LPAR6: variants seen among roughly 807,000 people sequenced by gnomAD.
The protein encoded by LPAR6 is G-protein coupled purinergic receptor P2Y5.
LPAR6 carries 17 observed loss-of-function variants against 22.0 expected under a neutral mutation model. The observed-to-expected ratio is 0.77, with a 90% CI of 0.53 to 1.16. The LOEUF (loss-of-function observed/expected upper bound fraction) is 1.16, where lower values mean the gene tolerates loss of function less well. LPAR6 is among the 50% of genes most tolerant of loss of function. LPAR6 has a pLI of 0.00. For synonymous variants in LPAR6, 136 were observed against 139.8 expected, an observed-to-expected ratio of 0.97 and a Z score of 0.19; for missense variants, 384 against 406.9, an observed-to-expected ratio of 0.94 and a Z score of 0.48.
At chr13:48,423,159 G>A (rs753809575) in intron 1 of LPAR6, among the ~76,000 whole-genome samples, 7 of 152,122 alleles carry the variant, frequency 4.6e-5, no homozygotes, top group Non-Finnish European at 5.9e-5. Context: ...TAAAAAGAAT[G>A]AAATATAGTG....
At chr13:48,438,307 G>A (rs1949204083) in intron 1 of LPAR6, among the ~76,000 whole-genome samples, 1 of 152,078 alleles carries the variant, frequency 6.6e-6, no homozygotes, top group Admixed American at 6.6e-5. Context: ...TTATAGATTA[G>A]CTGCATGAAG....
intron 1 of LPAR6, chr13:48,391,335 A>G (rs1048789383): frequency 1.3e-5 from 2 of 152,236 alleles, no homozygotes; most frequent in Admixed American, 1.3e-4. Flanking sequence ...GTTTTAAACC[A>G]ATTATCTCTT....
intron 1 of LPAR6, among the ~76,000 whole-genome samples, chr13:48,433,595 C>A (rs1949152494): frequency 6.6e-6 from 1 of 151,812 alleles, no homozygotes; most frequent in Non-Finnish European, 1.5e-5. Flanking sequence ...TTTTTTATAA[C>A]TTACACCAAA....
At chr13:48,439,466 G>A (rs1318963356) in intron 1 of LPAR6, 1 of 152,148 alleles carries the variant, frequency 6.6e-6, no homozygotes, top group Non-Finnish European at 1.5e-5. Flanking sequence ...ATGATAGAAA[G>A]ATTACGGTTG....
intron 1 of LPAR6, among the ~76,000 whole-genome samples, chr13:48,440,504 C>T (rs1949226695): frequency 6.6e-6 from 1 of 152,106 alleles, no homozygotes; most frequent in South Asian, 2.1e-4. Context: ...GCCTGATGGG[C>T]ACATGATCCA....
rs571793074 is a variant in LPAR6, at chr13:48,393,246, A to G, written n.115-3434T>C. Among the ~76,000 whole-genome samples, 29 of 152,278 alleles carry G rather than the reference A, an allele frequency of 1.9e-4. 2 individuals carry two copies. The highest frequency in any genetic ancestry group is 7.0e-4 in the African/African-American group (29 of 41,560). On this transcript the variant is annotated intron_variant and non_coding_transcript_variant, in intron 1 of 1. Coordinates refer to the LPAR6 transcript ENST00000462781. Reference sequence around the variant, plus strand: ...AGCTTAACCCTCTGCAGACCTCTGGAGTTCTCTTTTTGTAGCTTTCTTCTC... The same window carrying G: ...AGCTTAACCCTCTGCAGACCTCTGGGGTTCTCTTTTTGTAGCTTTCTTCTC...
intron 1 of LPAR6, among the ~76,000 whole-genome samples, chr13:48,398,510 C>T (rs1948665698): frequency 6.6e-6 from 1 of 151,712 alleles, no homozygotes. Context: ...TTGATAGAGT[C>T]CTGTAATTTT....
At chr13:48,417,426 AC>A (rs1227930256), upstream of LPAR6, 5 of 152,266 alleles carry the variant, frequency 3.3e-5, no homozygotes, top group African/African-American at 1.2e-4. Flanking sequence ...TTTGAAGGTC[AC>A]CAACATCGAA....
At chr13:48,433,264 C>T (rs1949148478) in intron 1 of LPAR6, among the ~76,000 whole-genome samples, 1 of 150,872 alleles carries the variant, frequency 6.6e-6, no homozygotes, top group Non-Finnish European at 1.5e-5. Flanking sequence ...TATGAGTATA[C>T]CTGGGTAAAT....
intron 2 of LPAR6, among the ~76,000 whole-genome samples, chr13:48,421,735 G>GCC (rs1286223226): frequency 6.6e-6 from 1 of 152,184 alleles, no homozygotes; most frequent in East Asian, 1.9e-4. Context: ...CTCAAAAGAA[G>GCC]ACATTTATGT....
chr13:48,408,332 G>T (rs895787328), downstream of LPAR6, among the ~76,000 whole-genome samples: 1 of 151,878 alleles, frequency 6.6e-6, no homozygotes, highest in Non-Finnish European at 1.5e-5. Context: ...CAGTAAAGAT[G>T]ATTTCTAAGT....
At chr13:48,435,069 A>G (rs1228139032) in intron 1 of LPAR6, among the ~76,000 whole-genome samples, 1 of 152,190 alleles carries the variant, frequency 6.6e-6, no homozygotes, top group Non-Finnish European at 1.5e-5. Flanking sequence ...CTCTGGGATA[A>G]ATGCCTAATG....
At chr13:48,434,983 C>G (rs1949169088) in intron 1 of LPAR6, among the ~76,000 whole-genome samples, 1 of 152,162 alleles carries the variant, frequency 6.6e-6, no homozygotes. Flanking sequence ...AATATCAGGA[C>G]AGGTTCTAGT....
Position 48,411,440 on chromosome 13 carries a change from A to T in LPAR6, c.984T>A (p.His328Gln). 6.2e-7 allele frequency: 1 copy of T among 1,613,342 alleles called. No individual in the cohort carries two copies. The change falls in exon 1 of 1, where the codon CAT (histidine) becomes CAA (glutamine). Residue 328 changes from histidine to glutamine, a missense_variant. Physicochemically the swap from His to Gln is conservative, Grantham distance 24 (BLOSUM62 0). Coordinates refer to ENST00000620633, the MANE Select transcript of LPAR6 (RefSeq NM_001162498.3). Reference protein sequence around the residue: ...EVHGAENFIQHNLQTLKSKIF... With the variant: ...EVHGAENFIQQNLQTLKSKIF... ...TCTTACTTTTTAAGGTCTGTAGGTT[A>T]TGCTGAATAAAATTCTCTGCACCAT...
chr13:48,407,523 G>A (rs1180477148), downstream of LPAR6, among the ~76,000 whole-genome samples: 2 of 152,166 alleles, frequency 1.3e-5, no homozygotes, highest in Non-Finnish European at 2.9e-5. Context: ...AAGTAAAAAT[G>A]ATAAAGAGAA....
intron 1 of LPAR6, among the ~76,000 whole-genome samples, chr13:48,392,647 A>G (rs552470709): frequency 6.6e-6 from 1 of 151,744 alleles, no homozygotes; most frequent in East Asian, 1.9e-4. Context: ...GCTTTTCTTT[A>G]CCTTCTTGAA....
chr13:48,430,235 A>C (rs1015310238), upstream of LPAR6, among the ~76,000 whole-genome samples: 7 of 152,212 alleles, frequency 4.6e-5, no homozygotes, highest in African/African-American at 1.7e-4. Flanking sequence ...AATGTATGAT[A>C]ATTTATCCAC....
At chr13:48,407,374 A>C (rs1448212201), downstream of LPAR6, among the ~76,000 whole-genome samples, 1 of 152,192 alleles carries the variant, frequency 6.6e-6, no homozygotes, top group Non-Finnish European at 1.5e-5. Flanking sequence ...GGAAGGTAGG[A>C]GAGGCTTAAC....
At chr13:48,393,694 G>T (rs1241308892) in intron 1 of LPAR6, among the ~76,000 whole-genome samples, 1 of 152,102 alleles carries the variant, frequency 6.6e-6, no homozygotes, top group African/African-American at 2.4e-5. Flanking sequence ...CAGGTCTTCT[G>T]ACTGATGCAT....
Sources: allele counts gnomAD v4.1 joint callset (sites outside exome capture counted in the v4.1 genomes callset), GRCh38; gene constraint gnomAD v4.1.1; transcripts MANE v1.5; gene names NCBI Gene and HGNC (gene_info 2026-07-23, HGNC 2026-07-21).